AMDHD2: variants seen among roughly 807,000 people sequenced by gnomAD.
The protein encoded by AMDHD2 is amidohydrolase domain containing 2, also known as N-acetylglucosamine-6-phosphate deacetylase.
Under a neutral mutation model 41.8 loss-of-function variants are expected in AMDHD2, and 24 were observed. The ratio of observed to expected loss-of-function variants is 0.57; its 90% CI spans 0.42 to 0.81. The LOEUF (loss-of-function observed/expected upper bound fraction) is 0.81, where lower values mean the gene tolerates loss of function less well. AMDHD2 is among the 30% of genes least tolerant of loss of function. AMDHD2 has a pLI of 0.00. For missense variants in AMDHD2, 540 were observed against 588.5 expected, an observed-to-expected ratio of 0.92 and a Z score of 0.85; for synonymous variants, 332 against 255.5, an observed-to-expected ratio of 1.30 and a Z score of -2.85.
rs563646780 is a variant in AMDHD2 at position 2,525,611 on chromosome 16, C to G, written c.361-1950C>G. Among the ~76,000 whole-genome samples, 5 of 152,280 alleles carry G rather than the reference C, an allele frequency of 3.3e-5. No individual in the cohort carries two copies. In the South Asian group the frequency reaches 1.0e-3, roughly 32 times the overall value. On this transcript the variant is annotated intron_variant, in intron 3 of 10. Coordinates refer to ENST00000293971, the MANE Select transcript of AMDHD2 (RefSeq NM_001330449.2). ...CCAGGCTGGAGTGCAGTGGCGCGAT[C>G]TCGGCTCACTGCAAGCTCCGCCTCC...
chr16:2,523,537 G>GGCGTT lies in AMDHD2; in HGVS notation c.360+2416_360+2420dup, dbSNP rs376377588. On this transcript the variant is annotated intron_variant, in intron 3 of 10. Coordinates refer to ENST00000293971, the MANE Select transcript of AMDHD2 (RefSeq NM_001330449.2). ...ATGAAGGCAGCGTGCATGGCTTAGG[G>GGCGTT]GCGTTGGGTGCTCAGCATCGTGCGT... Among the ~76,000 whole-genome samples the GGCGTT allele has an allele frequency of 3.7e-3, 568 of 152,250 alleles. 3 individuals carry two copies. The highest frequency in any genetic ancestry group is 0.012 in the African/African-American group (481 of 41,534).
Position 2,529,864 on chromosome 16 carries a change from G to A in AMDHD2, c.*301G>A. On this transcript the variant is annotated 3_prime_UTR_variant, in exon 11 of 11. Coordinates refer to ENST00000293971, the MANE Select transcript of AMDHD2 (RefSeq NM_001330449.2). ...AGCCTGGGCCTTGGGCCCCAGTGGG[G>A]GACAGGGCCTGTCTGCATGAAGTGG... 1 of 1,316,772 alleles carries A rather than the reference G, an allele frequency of 7.6e-7. No individual in the cohort carries two copies. The highest frequency in any genetic ancestry group is 1.0e-6 in the Non-Finnish European group (1 of 997,292). The allele number at this position is 1,316,772 out of a possible 1,614,324, so 81.6% of individuals were successfully genotyped here.
intron 3 of AMDHD2, among the ~76,000 whole-genome samples, chr16:2,523,217 C>G (rs1352553165): frequency 1.3e-5 from 2 of 152,058 alleles, no homozygotes; most frequent in Middle Eastern, 3.2e-3. Flanking sequence ...GAAAATGAAC[C>G]CTGTTAACAG....
Position 2,531,397 on chromosome 16 carries a change from TAAC to T in AMDHD2, c.*1837_*1839del. The T allele has an allele frequency of 4.0e-6, 2 of 504,900 alleles. No individual in the cohort carries two copies. Among genetic ancestry groups the T allele is most frequent in the Non-Finnish European group, 3.6e-6 (1 of 276,972 alleles). The allele number at this position is 504,900 out of a possible 1,614,324, so 31.3% of individuals were successfully genotyped here. A position where few individuals can be genotyped will look rare whatever the true frequency, so the allele number is the denominator to read the frequency against. On this transcript the variant is annotated 3_prime_UTR_variant, in exon 11 of 11. Transcript: ENST00000293971. ...TTTTTAAAAATTGTGGTAAAATACA[TAAC>T]AAAAGTAACTATCGTAACCTGAGCA... is the stretch of plus-strand genomic sequence containing the variant.
intron 3 of AMDHD2, among the ~76,000 whole-genome samples, chr16:2,522,473 C>G (rs558935627): frequency 6.6e-6 from 1 of 151,988 alleles, no homozygotes; most frequent in African/African-American, 2.4e-5. Context: ...GTCAGGAGAT[C>G]GAGACCATCT....
Position 2,529,904 on chromosome 16 carries a change from G to A in AMDHD2, c.*341G>A, listed in dbSNP as rs577728727. 2.1e-4 allele frequency: 234 copies of A among 1,089,344 alleles called. No homozygotes were observed. The highest frequency in any genetic ancestry group is 2.8e-4 in the Non-Finnish European group (220 of 794,140). 67.5% of individuals were successfully genotyped at this position (1,089,344 alleles called of 1,614,324 possible). ...GCATGAAGTGGACCGGAGACCTGCA[G>A]ACCCCAGGAAAGTGTCACTATGGGA... On this transcript the variant is annotated 3_prime_UTR_variant, in exon 11 of 11. Coordinates refer to ENST00000293971, the MANE Select transcript of AMDHD2 (RefSeq NM_001330449.2).
At chr16:2,522,453 G>A (rs990822908) in intron 3 of AMDHD2, among the ~76,000 whole-genome samples, 34 of 152,160 alleles carry the variant, frequency 2.2e-4, no homozygotes, top group Non-Finnish European at 2.1e-4. Flanking sequence ...CGAGGCAGGC[G>A]GACCACGAAG....
rs769452568 is a variant in AMDHD2 at position 2,520,811 on chromosome 16, G to A, written c.126G>A (p.Glu42=). 6 of 1,610,692 alleles carry A rather than the reference G, an allele frequency of 3.7e-6. No individual in the cohort carries two copies. The highest frequency in any genetic ancestry group is 1.7e-5 in the Admixed American group (1 of 59,918). ...GCGGAGGCCGCATCTTGGACCCAGA[G>A]AAGCTGTTCTTTGAGGAGCGGCGCG... ...WVRGGRILDP[E]KLFFEERRVA... The change falls in exon 2 of 11, where the codon GAG becomes GAA. Residue 42 remains glutamate, a synonymous_variant. Transcript: ENST00000293971.
At chr16:2,528,883 C>CT (rs1555440920) in intron 9 of AMDHD2, 111 bp from the exon 10 acceptor site, 6 of 1,465,486 alleles carry the variant, frequency 4.1e-6, no homozygotes, top group Non-Finnish European at 5.5e-6. Flanking sequence ...CAGCAGGGTC[C>CT]TTGTTAGCCT....
At chr16:2,526,741 A>G (rs1197806010) in intron 3 of AMDHD2, among the ~76,000 whole-genome samples, 2 of 151,798 alleles carry the variant, frequency 1.3e-5, no homozygotes, top group African/African-American at 4.8e-5. Context: ...AACTGGCCTG[A>G]CCTACATGGT....
rs2066076337 is a variant in AMDHD2, at chr16:2,530,536, C to T, written c.*973C>T. The T allele has an allele frequency of 3.1e-6, 5 of 1,614,052 alleles. No individual in the cohort carries two copies. Among genetic ancestry groups the T allele is most frequent in the Admixed American group, 1.7e-5 (1 of 60,008 alleles). On this transcript the variant is annotated 3_prime_UTR_variant, in exon 11 of 11. Transcript: ENST00000293971. ...TCAGGGGTGATTGTCTTGACTTTCTCTCCATTTGAGTTCTGGGGTGGGTGG... is the reference window on the plus strand; with the variant it reads ...TCAGGGGTGATTGTCTTGACTTTCTTTCCATTTGAGTTCTGGGGTGGGTGG...
chr16:2,528,632 G>A lies in AMDHD2; in HGVS notation c.971-18G>A. ...GTGGCCCACGACCCCCCCAGAGCCT[G>A]CCCTCTCTGCTCTCAAGGCACCAAG... On this transcript the variant is annotated intron_variant, in intron 8 of 10. Coordinates refer to ENST00000293971, the MANE Select transcript of AMDHD2 (RefSeq NM_001330449.2). The A allele has an allele frequency of 1.9e-6, 3 of 1,613,002 alleles. No homozygotes were observed. The highest frequency in any genetic ancestry group is 8.5e-7 in the Non-Finnish European group (1 of 1,179,944).
rs777059013 is a variant in AMDHD2 at position 2,530,275 on chromosome 16, G to A, written c.*712G>A. 1.9e-6 allele frequency: 3 copies of A among 1,612,956 alleles called. No individual in the cohort carries two copies. Among genetic ancestry groups the A allele is most frequent in the Non-Finnish European group, 2.5e-6 (3 of 1,179,578 alleles). ...TCCCCAGGCCCAGTGCTTGCCGGCT[G>A]TGGTGACCCTGCCTGGTGCTGGAGG... On this transcript the variant is annotated 3_prime_UTR_variant, in exon 11 of 11. Transcript: ENST00000293971.
In AMDHD2 at chr16:2,526,246, C is replaced by T. The variant is rs567583690; in HGVS notation, c.361-1315C>T. ...GCAGGAGGGGCATTATGGGGGTACT[C>T]GTAGGTTGGGGTCCCTGGCTCCTTT... is the stretch of plus-strand genomic sequence containing the variant. On this transcript the variant is annotated intron_variant, in intron 3 of 10. Transcript: ENST00000293971. Among the ~76,000 whole-genome samples, 35 of 152,258 alleles carry T rather than the reference C, an allele frequency of 2.3e-4. 2 individuals carry two copies. The South Asian group carries it at 7.3e-3, about 32-fold the overall frequency.
chr16:2,527,530 G>T lies in AMDHD2; in HGVS notation c.361-31G>T, dbSNP rs758843022. ...GTGGCCTCTGGGAATGGGCTGTGGG[G>T]GACAGGGCTTTAACAGCTGGTTCCC... is the stretch of plus-strand genomic sequence containing the variant. On this transcript the variant is annotated intron_variant, in intron 3 of 10. Coordinates refer to ENST00000293971, the MANE Select transcript of AMDHD2 (RefSeq NM_001330449.2). The surrounding 1 kb of genome is among the most constrained non-coding windows in gnomAD (Gnocchi z 6.1). The T allele has an allele frequency of 3.9e-5, 62 of 1,604,048 alleles. No homozygotes were observed. The highest frequency in any genetic ancestry group is 5.0e-5 in the Non-Finnish European group (59 of 1,175,808).
chr16:2,524,540 C>G (rs1474864721), intron 3 of AMDHD2, among the ~76,000 whole-genome samples: 1 of 152,226 alleles, frequency 6.6e-6, no homozygotes, highest in Admixed American at 6.5e-5. Flanking sequence ...TTGCTCCCTT[C>G]TAAAACTCCA....
In AMDHD2 at chr16:2,528,313, G is replaced by T; in HGVS notation, c.795G>T (p.Gly265=). ...RLPAGRCIFY[G]MIADGTHTNP... is the part of the protein sequence containing the mutation. Reference sequence around the variant, plus strand: ...CCGCAGGCCGCTGCATCTTCTATGGGATGATTGCAGATGGCACGCACACCA... The same window carrying T: ...CCGCAGGCCGCTGCATCTTCTATGGTATGATTGCAGATGGCACGCACACCA... Residue 265 remains glycine (G), a synonymous_variant, in exon 7 of 11, where the codon GGG becomes GGT. Coordinates refer to ENST00000293971, the MANE Select transcript of AMDHD2 (RefSeq NM_001330449.2). 14 of 1,612,770 alleles carry T rather than the reference G, an allele frequency of 8.7e-6. No individual in the cohort carries two copies. The highest frequency in any genetic ancestry group is 1.2e-5 in the Non-Finnish European group (14 of 1,179,920).
chr16:2,526,916 G>C (rs187293840), intron 3 of AMDHD2, among the ~76,000 whole-genome samples: 5 of 152,124 alleles, frequency 3.3e-5, no homozygotes, highest in Non-Finnish European at 7.4e-5. Flanking sequence ...GGCGACAAGA[G>C]GGAAACTCCA....
At position 2,527,194 on chromosome 16, in the gene AMDHD2, A is replaced by T; in HGVS notation, c.361-367A>T. On this transcript the variant is annotated intron_variant, in intron 3 of 10. Coordinates refer to ENST00000293971, the MANE Select transcript of AMDHD2 (RefSeq NM_001330449.2). This position sits in a 1 kb window ranked among gnomAD's most constrained non-coding sequence, Gnocchi z 6.1. ...TCCGGCCATGGTGTGGACCACACAC[A>T]GTGCTGAGCCCTGGCCATGCCCACA... 3.0e-6 allele frequency: 1 copy of T among 338,150 alleles called. No individual in the cohort carries two copies. Among genetic ancestry groups the T allele is most frequent in the South Asian group, 3.5e-5 (1 of 28,574 alleles). 20.9% of individuals were successfully genotyped at this position (338,150 alleles called of 1,614,324 possible). A position where few individuals can be genotyped will look rare whatever the true frequency, so the allele number is the denominator to read the frequency against.
Sources: gnomAD v4.1 joint callset for allele counts (sites outside exome capture counted in the v4.1 genomes callset) on GRCh38, gnomAD v4.1.1 for gene constraint, Gnocchi (gnomAD v3.1) non-coding constraint, MANE v1.5 for transcripts, NCBI Gene and HGNC (gene_info 2026-07-23, HGNC 2026-07-21) for gene names.